Variants in SAMD12 observed in about 807,000 individuals in gnomAD.
The protein encoded by SAMD12 is sterile alpha motif domain containing 12.
SAMD12 carries 9 observed loss-of-function variants against 15.0 expected under a neutral mutation model. That is an observed-to-expected ratio of 0.60 (90% CI 0.36 to 1.05). The LOEUF (loss-of-function observed/expected upper bound fraction) is 1.05, where lower values mean the gene tolerates loss of function less well. Among genes scored for constraint, SAMD12 ranks in the 50% least tolerant of loss-of-function variants. The pLI, the probability that SAMD12 is intolerant of heterozygous loss-of-function variation, is 0.01. For synonymous variants in SAMD12, 86 were observed against 90.1 expected (o/e 0.96, Z 0.25); for missense variants, 230 against 234.2 (o/e 0.98, Z 0.12).
chr8:118,231,419 C>T (rs531279399), intron 4 of SAMD12, among the ~76,000 whole-genome samples: 1 of 152,232 alleles, frequency 6.6e-6, no homozygotes, highest in Non-Finnish European at 1.5e-5. Flanking sequence ...TTCATTCATT[C>T]GACCCATATT....
At chr8:118,350,406 G>A (rs996217382) in intron 4 of SAMD12, among the ~76,000 whole-genome samples, 14 of 152,014 alleles carry the variant, frequency 9.2e-5, no homozygotes, top group Non-Finnish European at 2.1e-4. Context: ...TACAACCAAG[G>A]GTTTTATAGT....
At chr8:118,520,837 C>T (rs1825371740) in intron 2 of SAMD12, among the ~76,000 whole-genome samples, 1 of 151,852 alleles carries the variant, frequency 6.6e-6, no homozygotes, top group South Asian at 2.1e-4. Flanking sequence ...TAGTAAAACT[C>T]CAATCAGCCT....
intron 2 of SAMD12, among the ~76,000 whole-genome samples, chr8:118,478,244 G>A (rs938977431): frequency 8.5e-5 from 13 of 152,118 alleles, no homozygotes; most frequent in African/African-American, 2.7e-4. Flanking sequence ...AAGATGGCTT[G>A]GCCAAAATAT....
At chr8:118,337,842 A>C (rs1450477322) in intron 4 of SAMD12, among the ~76,000 whole-genome samples, 1 of 152,248 alleles carries the variant, frequency 6.6e-6, no homozygotes, top group Non-Finnish European at 1.5e-5. Flanking sequence ...TGAAATAGTG[A>C]AAGTTCTCAA....
At chr8:118,149,334 C>G in the SAMD12 span, among the ~76,000 whole-genome samples, 3 of 152,198 alleles carry the variant, frequency 2.0e-5, no homozygotes, top group African/African-American at 7.2e-5. Flanking sequence ...TTTAGCCATT[C>G]TGGTAGATGT....
chr8:118,134,611 G>A, the SAMD12 span, among the ~76,000 whole-genome samples: 1 of 152,148 alleles, frequency 6.6e-6, no homozygotes, highest in Admixed American at 6.5e-5. Flanking sequence ...TCCAGCAATG[G>A]AGTCCAGCAA....
At chr8:118,551,381 A>G (rs1472249561) in intron 2 of SAMD12, among the ~76,000 whole-genome samples, 1 of 151,984 alleles carries the variant, frequency 6.6e-6, no homozygotes, top group Non-Finnish European at 1.5e-5. Context: ...CTCACTCAAA[A>G]CCGCTCAACT....
At chr8:118,165,988 A>T in the SAMD12 span, among the ~76,000 whole-genome samples, 1 of 152,036 alleles carries the variant, frequency 6.6e-6, no homozygotes, top group Non-Finnish European at 1.5e-5. Context: ...ATCTGATTTC[A>T]GTTCCGTGCA....
At chr8:118,426,184 T>A (rs1822230417) in intron 3 of SAMD12, among the ~76,000 whole-genome samples, 1 of 152,228 alleles carries the variant, frequency 6.6e-6, no homozygotes, top group Non-Finnish European at 1.5e-5. Flanking sequence ...TGATAATAGG[T>A]AATATTTCTT....
At chr8:118,618,043 A>T (rs544083778) in intron 1 of SAMD12, among the ~76,000 whole-genome samples, 2,540 of 136,508 alleles carry the variant, frequency 0.019, 26 homozygotes, top group Middle Eastern at 0.036. Flanking sequence ...TTTTTTTTTT[A>T]AAAAAAGGCA....
intron 4 of SAMD12, among the ~76,000 whole-genome samples, chr8:118,338,000 G>T (rs1425161578): frequency 3.3e-5 from 5 of 152,296 alleles, no homozygotes; most frequent in Admixed American, 2.6e-4. Context: ...TCCACCAGGG[G>T]TCTTGGAAGG....
chr8:118,557,475 C>G lies in SAMD12; in HGVS notation c.192+23240G>C, dbSNP rs16891188. Among the ~76,000 whole-genome samples, 567 of 152,236 alleles carry G rather than the reference C, an allele frequency of 3.7e-3. 3 individuals carry two copies. Among genetic ancestry groups the G allele is most frequent in the African/African-American group, 0.012 (487 of 41,546 alleles). On this transcript the variant is annotated intron_variant, in intron 2 of 3. Coordinates refer to ENST00000314727, the MANE Select transcript of SAMD12 (RefSeq NM_207506.3). ...CATTTTGATTGGGGTTGGAGTAGAT[C>G]TGAGAAGCTTTTATAAAGAAAAAGA... is the stretch of plus-strand genomic sequence containing the variant.
chr8:118,258,154 C>G (rs1164842802), intron 4 of SAMD12, among the ~76,000 whole-genome samples: 2 of 152,102 alleles, frequency 1.3e-5, no homozygotes. Context: ...TGAGTATGTG[C>G]TAAGAGCCGG....
At chr8:118,397,339 A>G (rs1026594346) in intron 3 of SAMD12, among the ~76,000 whole-genome samples, 2 of 152,166 alleles carry the variant, frequency 1.3e-5, no homozygotes, top group African/African-American at 4.8e-5. Flanking sequence ...GCGACAAGAG[A>G]CATGGAAAAA....
rs190736246 is a variant in SAMD12 at position 118,222,520 on chromosome 8, T to A, written c.434-24788A>T. On this transcript the variant is annotated intron_variant, in intron 4 of 4. Transcript: ENST00000409003. ...AGGAAGTGCTTTTTATTTTTATCTT[T>A]TTGAGATGGAGTTTTGCTCCTGTTG... Among the ~76,000 whole-genome samples the A allele has an allele frequency of 7.9e-4, 121 of 152,264 alleles. 3 individuals are homozygous for A. In the East Asian group the frequency reaches 0.021, roughly 26 times the overall value.
At chr8:118,489,606 G>A (rs973901156) in intron 2 of SAMD12, among the ~76,000 whole-genome samples, 3 of 152,008 alleles carry the variant, frequency 2.0e-5, no homozygotes, top group Non-Finnish European at 4.4e-5. Context: ...AGCCTGTTCC[G>A]GTGCTTTAAA....
chr8:118,530,320 G>T (rs1355060351), intron 2 of SAMD12, among the ~76,000 whole-genome samples: 1 of 152,136 alleles, frequency 6.6e-6, no homozygotes, highest in Admixed American at 6.5e-5. Flanking sequence ...TGTCACTGAG[G>T]TAATCAGCAT....
Position 118,433,048 on chromosome 8 carries a change from T to C in SAMD12, c.322+6784A>G, listed in dbSNP as rs553892838. 1.1e-4 allele frequency among the ~76,000 whole-genome samples: 16 copies of C among 152,284 alleles called. No individual in the cohort carries two copies. In the East Asian group the frequency reaches 3.1e-3, roughly 29 times the overall value. On this transcript the variant is annotated intron_variant, in intron 3 of 3. Coordinates refer to ENST00000314727, the MANE Select transcript of SAMD12 (RefSeq NM_207506.3). ...TTAGAAAGGGTAACACAGGGGGACA[T>C]GTACCTATATTGTAAGGGGGACACT...
intron 4 of SAMD12, among the ~76,000 whole-genome samples, chr8:118,359,565 C>T (rs904599358): frequency 5.3e-5 from 8 of 152,136 alleles, no homozygotes; most frequent in South Asian, 2.1e-4. Flanking sequence ...TAGCAACGAA[C>T]GTAGCATGGT....
Sources: gnomAD v4.1 joint callset for allele counts (sites outside exome capture counted in the v4.1 genomes callset) on GRCh38, gnomAD v4.1.1 for gene constraint, MANE v1.5 for transcripts, NCBI Gene and HGNC (gene_info 2026-07-23, HGNC 2026-07-21) for gene names.